The following LACTB variants were observed in gnomAD, a reference collection of about 807,000 sequenced individuals.
LACTB encodes serine beta-lactamase-like protein LACTB, mitochondrial.
Under a neutral mutation model 50.2 loss-of-function variants are expected in LACTB, and 35 were observed. That is an observed-to-expected ratio of 0.70 (90% CI 0.53 to 0.92). The LOEUF (loss-of-function observed/expected upper bound fraction) is 0.92. LACTB is among the 40% of genes least tolerant of loss of function. LACTB has a pLI of 0.00. For missense variants in LACTB, 664 were observed against 691.8 expected, an observed-to-expected ratio of 0.96 and a Z score of 0.45; for synonymous variants, 252 against 268.2, an observed-to-expected ratio of 0.94 and a Z score of 0.59.
Position 63,141,406 on chromosome 15 carries a change from T to TTA in LACTB, c.1247_1248dup (p.Gly417MetfsTer27), listed in dbSNP as rs1176102017. Reference sequence around the variant, plus strand: ...TTCTGAAATTTGGGAATGCAATGCTTTATGGTTACCAAGTTGGGCTGTTTA... The same window carrying TTA: ...TTCTGAAATTTGGGAATGCAATGCTTTATATGGTTACCAAGTTGGGCTGTTTA... On this transcript the variant is annotated frameshift_variant, in exon 6 of 6. Transcript: ENST00000261893. LOFTEE classifies it high-confidence loss of function. 6.2e-7 allele frequency: 1 copy of TTA among 1,614,088 alleles called. No homozygotes were observed. The highest frequency in any genetic ancestry group is 8.5e-7 in the Non-Finnish European group (1 of 1,180,044).
chr15:63,124,605 A>G (rs948786728), intron 2 of LACTB, among the ~76,000 whole-genome samples: 4 of 152,284 alleles, frequency 2.6e-5, no homozygotes, highest in Admixed American at 2.0e-4. Flanking sequence ...TCTCTGTTGC[A>G]CAGAAATTGA....
intron 5 of LACTB, among the ~76,000 whole-genome samples, chr15:63,138,153 C>G (rs969670178): frequency 1.6e-4 from 24 of 152,018 alleles, no homozygotes; most frequent in African/African-American, 5.6e-4. Context: ...TGGCAAAACC[C>G]TCTCTCTACA....
At chr15:63,140,640 T>C (rs1442323460) in intron 5 of LACTB, among the ~76,000 whole-genome samples, 2 of 152,148 alleles carry the variant, frequency 1.3e-5, no homozygotes, top group Non-Finnish European at 2.9e-5. Context: ...GATATGTATA[T>C]GGTATTTTGT....
chr15:63,135,290 T>C (rs1237950353), intron 5 of LACTB, among the ~76,000 whole-genome samples: 1 of 152,248 alleles, frequency 6.6e-6, no homozygotes, highest in Non-Finnish European at 1.5e-5. Flanking sequence ...TAAATATGCA[T>C]TGCAAATCAG....
intron 5 of LACTB, among the ~76,000 whole-genome samples, chr15:63,136,851 A>G (rs1356736104): frequency 6.6e-6 from 1 of 152,226 alleles, no homozygotes; most frequent in East Asian, 1.9e-4. Flanking sequence ...GGGTATAACC[A>G]TAAACCTGTT....
intron 1 of LACTB, 94 bp downstream of exon 1, chr15:63,122,322 G>T: frequency 9.1e-7 from 1 of 1,102,932 alleles, no homozygotes; most frequent in South Asian, 1.6e-5. Context: ...CGGGGCGGCG[G>T]GGTGCCCGCG....
intron 2 of LACTB, among the ~76,000 whole-genome samples, chr15:63,125,176 T>C (rs912358754): frequency 8.8e-5 from 3 of 33,978 alleles, no homozygotes; most frequent in African/African-American, 1.3e-4. Flanking sequence ...ATTTTATTTA[T>C]TTATTTTTTT....
Position 63,140,988 on chromosome 15 carries a change from T to A in LACTB, c.1119-292T>A, listed in dbSNP as rs569806818. On this transcript the variant is annotated intron_variant, in intron 5 of 5. Coordinates refer to ENST00000261893, the MANE Select transcript of LACTB (RefSeq NM_032857.5). Reference sequence around the variant, plus strand: ...ATATGTCATGTGTAATATTAACCAATACATTTTTGCAGGTATTAAAGGTTT... The same window carrying A: ...ATATGTCATGTGTAATATTAACCAAAACATTTTTGCAGGTATTAAAGGTTT... The A allele has an allele frequency of 2.9e-3, 2,890 of 983,810 alleles. 5 individuals are homozygous for A. Among genetic ancestry groups the A allele is most frequent in the Non-Finnish European group, 3.3e-3 (2,717 of 828,492 alleles). The allele number at this position is 983,810 out of a possible 1,614,324, so 60.9% of individuals were successfully genotyped here.
chr15:63,122,140 C>G lies in LACTB; in HGVS notation c.269C>G (p.Pro90Arg), dbSNP rs767923145. ...AEPPQEQSLA[P>R]WSPQTPAPPC... is the part of the protein sequence containing the mutation. The stretch of plus-strand genomic sequence containing the variant: ...CCGCCACAGGAGCAGTCCCTCGCCC[C>G]GTGGTCTCCGCAGACCCCGGCGCCG... The change falls in exon 1 of 6, where the codon CCG (proline) becomes CGG (arginine). Residue 90 changes from proline to arginine, a missense_variant. Pro to Arg is a moderately radical substitution (Grantham distance 103). Transcript: ENST00000261893. 15 of 1,500,938 alleles carry G rather than the reference C, an allele frequency of 1.0e-5. No individual in the cohort carries two copies. Among genetic ancestry groups the G allele is most frequent in the East Asian group, 2.7e-5 (1 of 36,856 alleles). The allele number at this position is 1,500,938 out of a possible 1,614,324, so 93.0% of individuals were successfully genotyped here.
intron 5 of LACTB, among the ~76,000 whole-genome samples, chr15:63,138,907 C>T (rs1015427700): frequency 1.3e-5 from 2 of 150,418 alleles, no homozygotes; most frequent in African/African-American, 2.5e-5. Context: ...ATTAGCTGTG[C>T]GTGGTGGTGG....
In LACTB at chr15:63,126,875, T is replaced by A. The variant is rs1472079411; in HGVS notation, c.441T>A (p.Asp147Glu). 1 of 1,575,448 alleles carries A rather than the reference T, an allele frequency of 6.3e-7. No homozygotes were observed. Among genetic ancestry groups the A allele is most frequent in the Admixed American group, 1.8e-5 (1 of 56,044 alleles). ...EVWSEGLGYA[D>E]VENRVPCKPE... ...CCCCCAAAGGTTTAGGTTATGCTGA[T>A]GTTGAGAACCGTGTACCATGTAAAC... is the stretch of plus-strand genomic sequence containing the variant. Residue 147 changes from aspartate to glutamate, a missense_variant, in exon 3 of 6, where the codon GAT (aspartate) becomes GAA (glutamate). Transcript: ENST00000261893.
At position 63,121,915 on chromosome 15, in the gene LACTB, C is replaced by T. The variant is rs1468824714; in HGVS notation, c.44C>T (p.Pro15Leu). 1.4e-6 allele frequency: 2 copies of T among 1,422,762 alleles called. No individual in the cohort carries two copies. Among genetic ancestry groups the T allele is most frequent in the South Asian group, 1.5e-5 (1 of 65,050 alleles). The allele number at this position is 1,422,762 out of a possible 1,614,324, so 88.1% of individuals were successfully genotyped here. ...MSAVTARAAA[P>L]GGLASSCGRR... ...GCAGTGACTGCCCGGGCTGCCGCCC[C>T]CGGGGGCTTGGCCTCAAGCTGCGGA... Residue 15 changes from proline to leucine, a missense_variant, in exon 1 of 6, where the codon CCC becomes CTC. Coordinates refer to ENST00000261893, the MANE Select transcript of LACTB (RefSeq NM_032857.5).
Position 63,121,969 on chromosome 15 carries a change from T to C in LACTB, c.98T>C (p.Leu33Pro). The C allele has an allele frequency of 1.7e-5, 24 of 1,375,760 alleles. No homozygotes were observed. The highest frequency in any genetic ancestry group is 2.0e-5 in the Non-Finnish European group (22 of 1,073,268). The allele number at this position is 1,375,760 out of a possible 1,614,324, so 85.2% of individuals were successfully genotyped here. A position where few individuals can be genotyped will look rare whatever the true frequency, so the allele number is the denominator to read the frequency against. ...CGCGGGGTCCATCAGCGCGCCGGGC[T>C]GCCGCCTCTCGGCCACGGCTGGGTC... ...GRRGVHQRAG[L>P]PPLGHGWVGG... The change falls in exon 1 of 6, where the codon CTG (leucine) becomes CCG (proline). Residue 33 changes from leucine to proline, a missense_variant. Coordinates refer to ENST00000261893, the MANE Select transcript of LACTB (RefSeq NM_032857.5).
At chr15:63,132,259 G>A (rs1280170175) in intron 5 of LACTB, among the ~76,000 whole-genome samples, 1 of 152,052 alleles carries the variant, frequency 6.6e-6, no homozygotes, top group Non-Finnish European at 1.5e-5. Context: ...TTATGTTCAC[G>A]TGTACCCAGT....
chr15:63,136,191 G>A (rs916813476), intron 5 of LACTB, among the ~76,000 whole-genome samples: 3 of 152,062 alleles, frequency 2.0e-5, no homozygotes, highest in Non-Finnish European at 4.4e-5. Flanking sequence ...ACAGATGTGT[G>A]CCACCACACC....
chr15:63,127,384 A>T lies in LACTB; in HGVS notation c.647A>T (p.His216Leu). The T allele has an allele frequency of 6.3e-7, 1 of 1,576,090 alleles. No homozygotes were observed. The highest frequency in any genetic ancestry group is 8.6e-7 in the Non-Finnish European group (1 of 1,166,820). The change falls in exon 4 of 6, where the codon CAT (histidine) becomes CTT (leucine). Residue 216 changes from histidine to leucine, a missense_variant. Physicochemically the swap from His to Leu is moderately conservative, Grantham distance 99. Coordinates refer to ENST00000261893, the MANE Select transcript of LACTB (RefSeq NM_032857.5). ...VSVTTRLLIS[H>L]LSGIRHYEKD... ...GTCACAACAAGATTACTGATTTCCC[A>T]TTTAAGTGGAATTCGTCATTATGAA... is the stretch of plus-strand genomic sequence containing the variant.
Position 63,127,457 on chromosome 15 carries a change from G to C in LACTB, c.720G>C (p.Lys240Asn). The change falls in exon 4 of 6, where the codon AAG becomes AAC. Residue 240 changes from lysine (K) to asparagine (N), a missense_variant. Physicochemically the swap from Lys to Asn is moderately conservative, Grantham distance 94 (BLOSUM62 0). Coordinates refer to ENST00000261893, the MANE Select transcript of LACTB (RefSeq NM_032857.5). ...VKEEKAYKAL[K>N]MMKENVAFEQ... Reference sequence around the variant, plus strand: ...AAGAGAAAGCTTATAAAGCCTTGAAGATGATGAAAGAGAATGTTGCATTTG... The same window carrying C: ...AAGAGAAAGCTTATAAAGCCTTGAACATGATGAAAGAGAATGTTGCATTTG... The C allele has an allele frequency of 6.2e-7, 1 of 1,612,248 alleles. No individual in the cohort carries two copies. Among genetic ancestry groups the C allele is most frequent in the Non-Finnish European group, 8.5e-7 (1 of 1,178,934 alleles).
At chr15:63,128,905 G>A (rs1339074664) in intron 4 of LACTB, among the ~76,000 whole-genome samples, 3 of 151,928 alleles carry the variant, frequency 2.0e-5, no homozygotes, top group Non-Finnish European at 4.4e-5. Context: ...CACCACACCT[G>A]GCTAATTTTT....
In LACTB at chr15:63,122,720, T is replaced by C; in HGVS notation, c.424+18T>C. 6.3e-7 allele frequency: 1 copy of C among 1,585,162 alleles called. No homozygotes were observed. Among genetic ancestry groups the C allele is most frequent in the Non-Finnish European group, 8.7e-7 (1 of 1,153,592 alleles). On this transcript the variant is annotated intron_variant, in intron 2 of 5. Coordinates refer to ENST00000261893, the MANE Select transcript of LACTB (RefSeq NM_032857.5). ...GTCAGAAGGTGGGTTCAGAAAATTG[T>C]TGTTTTGTTCTGTGCCAGTTGGTAA...
Sources: gnomAD v4.1 joint callset for allele counts (sites outside exome capture counted in the v4.1 genomes callset) on GRCh38, gnomAD v4.1.1 for gene constraint, MANE v1.5 for transcripts, NCBI Gene and HGNC (gene_info 2026-07-23, HGNC 2026-07-21) for gene names.